The following STK3 variants were observed in gnomAD, a reference collection of about 807,000 sequenced individuals.
The protein encoded by STK3 is serine/threonine kinase 3, also known as serine/threonine-protein kinase 3.
A neutral mutation model predicts 58.0 loss-of-function variants in STK3; 41 were observed. That is an observed-to-expected ratio of 0.71 (90% CI 0.55 to 0.92). STK3 has a LOEUF of 0.92. Among genes scored for constraint, STK3 ranks in the 40% least tolerant of loss-of-function variants. STK3 has a pLI of 0.00. For missense variants in STK3, 479 were observed against 602.7 expected (o/e 0.79, Z 2.15); for synonymous variants, 170 against 191.0 (o/e 0.89, Z 0.91).
At chr8:98,825,700 A>AGGAGCGCGGCTCCTCCCGCCCC (rs1835226138), upstream of STK3, 1 of 1,040,348 alleles carries the variant, frequency 9.6e-7, no homozygotes, top group Non-Finnish European at 1.2e-6. Context: ...CCTCCCGCTT[A>AGGAGCGCGGCTCCTCCCGCCCC]GGAGCGCGGC....
chr8:98,545,707 A>T (rs914764380), intron 9 of STK3, among the ~76,000 whole-genome samples: 6 of 152,164 alleles, frequency 3.9e-5, no homozygotes, highest in African/African-American at 1.4e-4. Flanking sequence ...TTCAGTACAC[A>T]TTGTAGAGAT....
chr8:98,907,572 C>T (rs527629798), intron 1 of STK3, among the ~76,000 whole-genome samples: 1 of 152,258 alleles, frequency 6.6e-6, no homozygotes, highest in East Asian at 1.9e-4. Context: ...GCCAATGTTT[C>T]GTTCATAATC....
At chr8:98,914,689 C>T (rs1381393225) in intron 1 of STK3, among the ~76,000 whole-genome samples, 1 of 152,116 alleles carries the variant, frequency 6.6e-6, no homozygotes, top group Non-Finnish European at 1.5e-5. Context: ...CATGGGTCCT[C>T]AAAACAGGAT....
chr8:98,405,133 A>G (rs1198316378), intron 3 of STK3, among the ~76,000 whole-genome samples: 1 of 152,224 alleles, frequency 6.6e-6, no homozygotes, highest in African/African-American at 2.4e-5. Flanking sequence ...AGATATCAAT[A>G]TTCCAACAGT....
At chr8:98,416,364 G>GTTTTT (rs57447680) in intron 3 of STK3, among the ~76,000 whole-genome samples, 13 of 79,528 alleles carry the variant, frequency 1.6e-4, no homozygotes, top group East Asian at 3.6e-4. Context: ...GTTTGAAACT[G>GTTTTT]TTTTTTTTTT....
At chr8:98,412,129 C>T (rs994994970) in intron 3 of STK3, among the ~76,000 whole-genome samples, 4 of 152,174 alleles carry the variant, frequency 2.6e-5, no homozygotes, top group Non-Finnish European at 5.9e-5. Context: ...CTATTGCTCC[C>T]GAGGTGCTGC....
intron 3 of STK3, among the ~76,000 whole-genome samples, chr8:98,756,826 C>T (rs2131387950): frequency 6.6e-6 from 1 of 152,314 alleles, no homozygotes; most frequent in Non-Finnish European, 1.5e-5. Flanking sequence ...CCTCCAACCA[C>T]CTCTATGGTT....
intron 3 of STK3, among the ~76,000 whole-genome samples, chr8:98,764,430 C>T (rs563058242): frequency 6.6e-6 from 1 of 152,182 alleles, no homozygotes; most frequent in African/African-American, 2.4e-5. Context: ...GGTTCCTTTC[C>T]TTAAGGAATG....
chr8:98,833,435 A>T (rs1835617850), intron 3 of STK3, among the ~76,000 whole-genome samples: 1 of 152,232 alleles, frequency 6.6e-6, no homozygotes, highest in Non-Finnish European at 1.5e-5. Context: ...TCAGATATTT[A>T]CCAGTTAAAT....
At chr8:98,677,322 C>A (rs1166539561) in intron 6 of STK3, among the ~76,000 whole-genome samples, 1 of 149,024 alleles carries the variant, frequency 6.7e-6, no homozygotes, top group Non-Finnish European at 1.5e-5. Context: ...ACCTTCAAAT[C>A]TCACCGCACC....
chr8:98,530,894 A>G (rs1049487041), intron 9 of STK3, among the ~76,000 whole-genome samples: 3 of 152,244 alleles, frequency 2.0e-5, no homozygotes, highest in African/African-American at 4.8e-5. Flanking sequence ...TTGCTCATCC[A>G]TAAGAAGCAA....
At chr8:98,719,817 TC>T (rs747294159) in intron 4 of STK3, among the ~76,000 whole-genome samples, 1 of 152,186 alleles carries the variant, frequency 6.6e-6, no homozygotes, top group Non-Finnish European at 1.5e-5. Context: ...GACAAGAATA[TC>T]TGAGGGCATA....
intron 1 of STK3, among the ~76,000 whole-genome samples, chr8:98,779,948 C>T (rs1831976338): frequency 8.7e-6 from 1 of 115,488 alleles, no homozygotes; most frequent in South Asian, 3.4e-4. Flanking sequence ...ATGAATAAGT[C>T]ATGTGCTAGT....
chr8:98,538,566 A>G (rs547855559), intron 9 of STK3, among the ~76,000 whole-genome samples: 1 of 152,320 alleles, frequency 6.6e-6, no homozygotes, highest in Middle Eastern at 3.4e-3. Flanking sequence ...GAATAGAAGG[A>G]AACAAAAATT....
chr8:98,657,243 C>A (rs531218787), intron 6 of STK3, among the ~76,000 whole-genome samples: 1 of 152,008 alleles, frequency 6.6e-6, no homozygotes, highest in African/African-American at 2.4e-5. Context: ...GTGGTAAGTA[C>A]TGGACACACA....
At chr8:98,479,506 G>A (rs1586664419) in intron 10 of STK3, among the ~76,000 whole-genome samples, 1 of 42,990 alleles carries the variant, frequency 2.3e-5, no homozygotes, top group Non-Finnish European at 4.0e-5. Context: ...GGGGGGGCGG[G>A]AAAGGTGAAG....
At chr8:98,868,848 A>G (rs970236860) in intron 3 of STK3, among the ~76,000 whole-genome samples, 5 of 151,872 alleles carry the variant, frequency 3.3e-5, no homozygotes, top group African/African-American at 1.2e-4. Context: ...GTGGTGGCGC[A>G]TGCCTGTGGT....
At chr8:98,406,458 C>A (rs181891849) in intron 3 of STK3, among the ~76,000 whole-genome samples, 44 of 152,180 alleles carry the variant, frequency 2.9e-4, no homozygotes, top group Middle Eastern at 3.4e-3. Flanking sequence ...CAACCTCCCC[C>A]CTCTAGGGTT....
rs552972691 is a variant in STK3 at position 98,706,197 on chromosome 8, T to C, written c.684+270A>G. Among the ~76,000 whole-genome samples, 6 of 152,308 alleles carry C rather than the reference T, an allele frequency of 3.9e-5. No individual in the cohort carries two copies. In the East Asian group the frequency reaches 5.8e-4, roughly 15 times the overall value. On this transcript the variant is annotated intron_variant, in intron 6 of 10. Transcript: ENST00000419617. ...GAGGATTTACCAACCCTTTCTTCTA[T>C]TGAAAAGCAAGCAAAAATTTTACAA...
Sources: allele counts gnomAD v4.1 joint callset (sites outside exome capture counted in the v4.1 genomes callset), GRCh38; gene constraint gnomAD v4.1.1; transcripts MANE v1.5; gene names NCBI Gene and HGNC (gene_info 2026-07-23, HGNC 2026-07-21).